The following PATJ variants were observed in gnomAD, a reference collection of about 807,000 sequenced individuals.
PATJ encodes PATJ crumbs cell polarity complex component.
A neutral mutation model predicts 224.9 loss-of-function variants in PATJ; 190 were observed. The ratio of observed to expected loss-of-function variants is 0.84; its 90% CI spans 0.75 to 0.95. PATJ has a LOEUF of 0.95. PATJ is among the 40% of genes least tolerant of loss of function. The probability of loss-of-function intolerance (pLI) is 0.00; values close to 1 mark genes in which losing one functional copy is unlikely to be tolerated. For synonymous variants in PATJ, 769 were observed against 820.3 expected, an observed-to-expected ratio of 0.94 and a Z score of 1.07; for missense variants, 2,121 against 2,270.3, an observed-to-expected ratio of 0.93 and a Z score of 1.34.
intron 42 of PATJ, among the ~76,000 whole-genome samples, chr1:62,152,165 A>G: frequency 6.6e-6 from 1 of 152,148 alleles, no homozygotes; most frequent in Non-Finnish European, 1.5e-5. Context: ...ATAGTCTGGT[A>G]GAGGAAATGG....
intron 20 of PATJ, among the ~76,000 whole-genome samples, chr1:61,871,539 G>GTGTATATATATATA: frequency 1.9e-5 from 1 of 51,484 alleles, no homozygotes; most frequent in East Asian, 5.0e-4. Context: ...GTGTGTGTGT[G>GTGTATATATATATA]TATATATATA....
chr1:61,908,493 G>T lies in PATJ; in HGVS notation c.3492+11G>T. ...TCATCCACTCCACGAGTAAGTTTTA[G>T]TTCATATTTTCAAAAAGTTTAACAA... On this transcript the variant is annotated intron_variant, in intron 25 of 43. Transcript: ENST00000642238. The T allele has an allele frequency of 1.3e-6, 2 of 1,577,894 alleles. No homozygotes were observed. The highest frequency in any genetic ancestry group is 1.7e-6 in the Non-Finnish European group (2 of 1,147,528).
At chr1:61,786,763 G>A (rs562287307) in intron 7 of PATJ, among the ~76,000 whole-genome samples, 3 of 152,118 alleles carry the variant, frequency 2.0e-5, no homozygotes, top group East Asian at 1.9e-4. Flanking sequence ...AGGCTGAGGC[G>A]GGTGGATCAA....
At position 62,018,448 on chromosome 1, in the gene PATJ, C is replaced by T. The variant is rs1646902279; in HGVS notation, c.3959+501C>T. ...GTTTGGGGCTTCACATTTACTCAGACCTCCCTGCAAGCTGATTGAGCCCTC... is the reference window on the plus strand; with the variant it reads ...GTTTGGGGCTTCACATTTACTCAGATCTCCCTGCAAGCTGATTGAGCCCTC... On this transcript the variant is annotated intron_variant, in intron 29 of 43. Transcript: ENST00000642238. This position sits in a 1 kb window ranked among gnomAD's most constrained non-coding sequence, Gnocchi z 4.2. Among the ~76,000 whole-genome samples the T allele has an allele frequency of 6.6e-6, 1 of 152,148 alleles. No homozygotes were observed. The highest frequency in any genetic ancestry group is 1.5e-5 in the Non-Finnish European group (1 of 68,024).
chr1:62,143,453 T>TA (rs1367587691), intron 41 of PATJ, among the ~76,000 whole-genome samples: 6 of 134,322 alleles, frequency 4.5e-5, no homozygotes, highest in African/African-American at 1.7e-4. Flanking sequence ...TTTTTTTTTT[T>TA]TTTTTTTTTT....
chr1:61,797,137 G>A lies in PATJ; in HGVS notation c.1261-150G>A, dbSNP rs183096366. ...GATCCACCCACCTTGACCTACCAAA[G>A]TGCTGGGATTACAGGCGTGAGCCAC... On this transcript the variant is annotated intron_variant, in intron 10 of 43. Transcript: ENST00000642238. The A allele has an allele frequency of 7.9e-4, 641 of 809,494 alleles. 3 individuals are homozygous for A. The African/African-American group carries it at 9.2e-3, about 12-fold the overall frequency. 50.1% of individuals were successfully genotyped at this position (809,494 alleles called of 1,614,324 possible). A position where few individuals can be genotyped will look rare whatever the true frequency, so the allele number is the denominator to read the frequency against.
At position 62,069,037 on chromosome 1, in the gene PATJ, G is replaced by A. The variant is rs560097719; in HGVS notation, c.4126-10413G>A. Among the ~76,000 whole-genome samples, 4 of 152,260 alleles carry A rather than the reference G, an allele frequency of 2.6e-5. No individual in the cohort carries two copies. In the South Asian group the frequency reaches 8.3e-4, roughly 32 times the overall value. On this transcript the variant is annotated intron_variant, in intron 31 of 43. Coordinates refer to ENST00000642238, the MANE Select transcript of PATJ (RefSeq NM_001350145.3). The stretch of plus-strand genomic sequence containing the variant: ...TTCATGTTTAAACACAAAATATGAA[G>A]GAAAGCGACCCAAGGTCACTGCCGT...
At chr1:62,031,160 G>A (rs560819014) in intron 29 of PATJ, among the ~76,000 whole-genome samples, 4 of 152,092 alleles carry the variant, frequency 2.6e-5, no homozygotes, top group Non-Finnish European at 5.9e-5. Context: ...TCTGTTCACC[G>A]TGGTCATTCA....
intron 14 of PATJ, among the ~76,000 whole-genome samples, chr1:61,810,507 G>A (rs1654489412): frequency 6.6e-6 from 1 of 151,948 alleles, no homozygotes; most frequent in East Asian, 1.9e-4. Flanking sequence ...GACCAGCCTG[G>A]CCAACATAGT....
rs1664557232 is a variant in PATJ at position 62,117,394 on chromosome 1, T to C, written c.4890+176T>C. On this transcript the variant is annotated intron_variant, in intron 37 of 43. Transcript: ENST00000642238. ...AAATGAAAGGTGGGATGGAAATTCA[T>C]TAATCCCTAGATTTTTCTCTCCTTT... 9 of 1,419,258 alleles carry C rather than the reference T, an allele frequency of 6.3e-6. No individual in the cohort carries two copies. In the Admixed American group the frequency reaches 2.7e-4, roughly 43 times the overall value. 87.9% of individuals were successfully genotyped at this position (1,419,258 alleles called of 1,614,324 possible).
chr1:61,951,299 G>C (rs74076834), intron 27 of PATJ, among the ~76,000 whole-genome samples: 5 of 151,980 alleles, frequency 3.3e-5, no homozygotes, highest in Non-Finnish European at 1.5e-5. Flanking sequence ...CAGCTTCAGC[G>C]CTTGATATAA....
chr1:61,822,700 G>A (rs1657531147), intron 14 of PATJ, among the ~76,000 whole-genome samples: 1 of 152,194 alleles, frequency 6.6e-6, no homozygotes, highest in African/African-American at 2.4e-5. Context: ...AGAATTGAAG[G>A]TAAGACTGTA....
chr1:61,869,717 G>A (rs1435029037), intron 20 of PATJ, among the ~76,000 whole-genome samples: 1 of 152,250 alleles, frequency 6.6e-6, no homozygotes, highest in Admixed American at 6.5e-5. Context: ...GGGAGGGAGT[G>A]TGTGAGTGAA....
intron 30 of PATJ, among the ~76,000 whole-genome samples, chr1:62,042,631 A>G (rs537383251): frequency 6.6e-6 from 1 of 152,262 alleles, no homozygotes; most frequent in South Asian, 2.1e-4. Context: ...TTCTTTGTTC[A>G]GCAAATGCTT....
rs1004496025 is a variant in PATJ at position 61,771,557 on chromosome 1, G to T, written c.651G>T (p.Val217=). 2 of 1,613,092 alleles carry T rather than the reference G, an allele frequency of 1.2e-6. No homozygotes were observed. The highest frequency in any genetic ancestry group is 3.3e-5 in the Admixed American group (2 of 59,864). Residue 217 remains valine (V), a synonymous_variant, in exon 6 of 44, where the codon GTG becomes GTT. Transcript: ENST00000642238. ...CCACTGGATCTTTGAGACTGATTGT[G>T]GCCAGGGAACCAGTCCACACAAAAA... ...QQTTGSLRLI[V]AREPVHTKSS...
chr1:62,109,210 GT>G (rs397942833), intron 34 of PATJ, among the ~76,000 whole-genome samples: 1,938 of 142,612 alleles, frequency 0.014, 34 homozygotes, highest in African/African-American at 0.044. Flanking sequence ...TTTAGGCCAC[GT>G]TTTTTTTTTT....
intron 17 of PATJ, among the ~76,000 whole-genome samples, chr1:61,837,515 G>T (rs183524513): frequency 6.6e-6 from 1 of 152,074 alleles, no homozygotes; most frequent in African/African-American, 2.4e-5. Flanking sequence ...GAGACCAGGC[G>T]CAGTGGCTCA....
intron 22 of PATJ, among the ~76,000 whole-genome samples, chr1:61,889,905 C>T (rs1430058360): frequency 6.6e-6 from 1 of 152,150 alleles, no homozygotes; most frequent in Non-Finnish European, 1.5e-5. Flanking sequence ...CTACTGTATC[C>T]TTCTTTGTTC....
chr1:62,030,060 T>C (rs751075069), intron 29 of PATJ, among the ~76,000 whole-genome samples: 2 of 152,166 alleles, frequency 1.3e-5, no homozygotes, highest in Non-Finnish European at 2.9e-5. Context: ...GTAGTGATAC[T>C]GTTGTCATAG....
Sources: allele counts gnomAD v4.1 joint callset (sites outside exome capture counted in the v4.1 genomes callset), GRCh38; gene constraint gnomAD v4.1.1; non-coding constraint Gnocchi (gnomAD v3.1); transcripts MANE v1.5; gene names NCBI Gene and HGNC (gene_info 2026-07-23, HGNC 2026-07-21).